NUFIP1: variants seen among roughly 807,000 people sequenced by gnomAD.
NUFIP1 encodes FMR1-interacting protein NUFIP1.
NUFIP1 carries 38 observed loss-of-function variants against 56.2 expected under a neutral mutation model. The observed-to-expected ratio is 0.68, with a 90% confidence interval of 0.52 to 0.89. The LOEUF (loss-of-function observed/expected upper bound fraction) is 0.89, where lower values mean the gene tolerates loss of function less well. Among genes scored for constraint, NUFIP1 ranks in the 40% least tolerant of loss-of-function variants. The probability of loss-of-function intolerance (pLI) is 0.00; values close to 1 mark genes in which losing one functional copy is unlikely to be tolerated. For synonymous variants in NUFIP1, 215 were observed against 212.4 expected (o/e 1.01, Z -0.10); for missense variants, 567 against 605.8 (o/e 0.94, Z 0.67).
At position 44,979,831 on chromosome 13, in the gene NUFIP1, G is replaced by A. The variant is rs1279318398; in HGVS notation, c.657+59C>T. Reference sequence around the variant, plus strand: ...AGGTATATAAATAAACAGTTGTGAAGATAACAGATCAATAAAAAGAGCATG... The same window carrying A: ...AGGTATATAAATAAACAGTTGTGAAAATAACAGATCAATAAAAAGAGCATG... On this transcript the variant is annotated intron_variant, in intron 4 of 9. Coordinates refer to ENST00000379161, the MANE Select transcript of NUFIP1 (RefSeq NM_012345.3). 16 of 1,222,386 alleles carry A rather than the reference G, an allele frequency of 1.3e-5. No individual in the cohort carries two copies. In the East Asian group the frequency reaches 2.6e-4, roughly 20 times the overall value. 75.7% of individuals were successfully genotyped at this position (1,222,386 alleles called of 1,614,324 possible).
At chr13:44,966,000 A>T in intron 5 of NUFIP1, 64 bp from the exon 6 acceptor site, 1 of 920,500 alleles carries the variant, frequency 1.1e-6, no homozygotes, top group Non-Finnish European at 1.6e-6. Context: ...TAAGCAATCA[A>T]GCAATTGCTG....
At chr13:44,962,286 G>C (rs377421293) in intron 6 of NUFIP1, among the ~76,000 whole-genome samples, 1 of 152,092 alleles carries the variant, frequency 6.6e-6, no homozygotes, top group African/African-American at 2.4e-5. Context: ...AGTTTAAAAG[G>C]AATAGGTTGT....
At chr13:44,966,084 G>A (rs1871591120) in intron 5 of NUFIP1, 148 bp from the exon 6 acceptor site, 2 of 433,740 alleles carry the variant, frequency 4.6e-6, no homozygotes, top group African/African-American at 2.0e-5. Context: ...TTTTTAAGAG[G>A]GAAAAAAGTA....
intron 9 of NUFIP1, 148 bp downstream of exon 9, chr13:44,943,294 T>C (rs1270736837): frequency 1.6e-6 from 1 of 637,236 alleles, no homozygotes; most frequent in Non-Finnish European, 2.8e-6. Context: ...CAAATGTAGC[T>C]ACAGAATTAA....
At chr13:44,964,487 T>C (rs1251155133) in intron 6 of NUFIP1, among the ~76,000 whole-genome samples, 1 of 151,500 alleles carries the variant, frequency 6.6e-6, no homozygotes, top group Non-Finnish European at 1.5e-5. Flanking sequence ...CCTTAAAGAG[T>C]TTCCAGACTG....
At chr13:44,972,134 A>C (rs1232145500) in intron 5 of NUFIP1, among the ~76,000 whole-genome samples, 1 of 152,192 alleles carries the variant, frequency 6.6e-6, no homozygotes, top group African/African-American at 2.4e-5. Context: ...TATGCTTACC[A>C]CATGACCAAC....
At chr13:44,956,098 T>TGC (rs1246050626) in intron 7 of NUFIP1, among the ~76,000 whole-genome samples, 5 of 144,292 alleles carry the variant, frequency 3.5e-5, no homozygotes, top group Non-Finnish European at 7.4e-5. Flanking sequence ...GAGCCGAGAT[T>TGC]GCGCCACTGC....
intron 5 of NUFIP1, among the ~76,000 whole-genome samples, chr13:44,974,172 C>G (rs1871893634): frequency 6.6e-6 from 1 of 152,196 alleles, no homozygotes; most frequent in Non-Finnish European, 1.5e-5. Context: ...GTCAAGTCAA[C>G]TCCTTAAGTC....
At chr13:44,953,733 C>A (rs1871145845) in intron 7 of NUFIP1, among the ~76,000 whole-genome samples, 1 of 152,152 alleles carries the variant, frequency 6.6e-6, no homozygotes, top group African/African-American at 2.4e-5. Context: ...CAGAATCAGT[C>A]ATTTCTCCAA....
chr13:44,956,946 T>C (rs1308866650), intron 7 of NUFIP1, among the ~76,000 whole-genome samples: 1 of 152,178 alleles, frequency 6.6e-6, no homozygotes, highest in Non-Finnish European at 1.5e-5. Context: ...ATAAGGTGAA[T>C]TTAAATGACA....
In NUFIP1 at chr13:44,959,532, G is replaced by C. The variant is rs1267830271; in HGVS notation, c.870C>G (p.Ile290Met). ...ATTTGTGATTCTTGCCAGGACTTCT[G>C]ATCTTTGCCATTTGTGAATGTCTGG... ...GMSRHSQMAK[I>M]RSPGKNHKWK... Residue 290 changes from isoleucine to methionine, a missense_variant, in exon 7 of 10, where the codon ATC becomes ATG. Transcript: ENST00000379161. 6.2e-6 allele frequency: 10 copies of C among 1,613,484 alleles called. No homozygotes were observed. Among genetic ancestry groups the C allele is most frequent in the South Asian group, 1.1e-5 (1 of 90,836 alleles).
chr13:44,964,138 A>T (rs1045141101), intron 6 of NUFIP1, among the ~76,000 whole-genome samples: 4 of 152,252 alleles, frequency 2.6e-5, no homozygotes, highest in Non-Finnish European at 2.9e-5. Flanking sequence ...ATCTTCTAAA[A>T]GAAAACATAA....
At position 44,943,618 on chromosome 13, in the gene NUFIP1, T is replaced by C. The variant is rs1870820308; in HGVS notation, c.1195A>G (p.Ser399Gly). ...TCTTGACTTGGACTCTTAGGAGCAC[T>C]GCTATCAAGAACCTGGTTTTCTGCC... Reference protein sequence around the residue: ...VLAENQVLDSSAPKSPSQDVK... With the variant: ...VLAENQVLDSGAPKSPSQDVK... The change falls in exon 9 of 10, where the codon AGT (serine) becomes GGT (glycine). Residue 399 changes from serine to glycine, a missense_variant. Ser to Gly is a moderately conservative substitution (Grantham distance 56). Coordinates refer to ENST00000379161, the MANE Select transcript of NUFIP1 (RefSeq NM_012345.3). 6.2e-7 allele frequency: 1 copy of C among 1,614,154 alleles called. No homozygotes were observed. Among genetic ancestry groups the C allele is most frequent in the African/African-American group, 1.3e-5 (1 of 75,066 alleles).
intron 1 of NUFIP1, among the ~76,000 whole-genome samples, chr13:44,982,557 A>G (rs1293376206): frequency 6.6e-6 from 1 of 152,130 alleles, no homozygotes; most frequent in Non-Finnish European, 1.5e-5. Flanking sequence ...GTACTTTTCC[A>G]TTCTTATTAC....
intron 9 of NUFIP1, among the ~76,000 whole-genome samples, chr13:44,942,250 T>C (rs917815314): frequency 6.6e-6 from 1 of 152,166 alleles, no homozygotes; most frequent in African/African-American, 2.4e-5. Flanking sequence ...TTATTGTAAT[T>C]AAAAGAAAGC....
At chr13:44,963,626 ATTAAG>A (rs748523742) in intron 6 of NUFIP1, among the ~76,000 whole-genome samples, 2 of 152,124 alleles carry the variant, frequency 1.3e-5, no homozygotes, top group East Asian at 3.9e-4. Context: ...TTCCTTACTC[ATTAAG>A]TTAATAGCAT....
At chr13:44,980,646 T>C in intron 3 of NUFIP1, 76 bp downstream of exon 3, 1 of 987,820 alleles carries the variant, frequency 1.0e-6, no homozygotes, top group Non-Finnish European at 1.5e-6. Flanking sequence ...GAAAACAAGC[T>C]TGGCATTTCT....
intron 5 of NUFIP1, among the ~76,000 whole-genome samples, chr13:44,969,927 T>A (rs534786013): frequency 2.1e-4 from 32 of 152,368 alleles, no homozygotes; most frequent in Non-Finnish European, 4.1e-4. Flanking sequence ...ATTGTACTTT[T>A]CTTTCTGAAC....
At chr13:44,951,102 T>C (rs1871072384) in intron 7 of NUFIP1, among the ~76,000 whole-genome samples, 2 of 152,278 alleles carry the variant, frequency 1.3e-5, no homozygotes, top group South Asian at 2.1e-4. Flanking sequence ...AAAGTACTCC[T>C]TGTCAATTTT....
Sources: allele counts gnomAD v4.1 joint callset (sites outside exome capture counted in the v4.1 genomes callset), GRCh38; gene constraint gnomAD v4.1.1; transcripts MANE v1.5; gene names NCBI Gene and HGNC (gene_info 2026-07-23, HGNC 2026-07-21).